Variants in LTBP1 observed in about 807,000 individuals in gnomAD.
LTBP1 encodes the protein latent-transforming growth factor beta-binding protein 1.
Under a neutral mutation model 207.6 loss-of-function variants are expected in LTBP1, and 129 were observed. That is an observed-to-expected ratio of 0.62 (90% confidence interval 0.54 to 0.72). The LOEUF is 0.72. Among genes scored for constraint, LTBP1 ranks in the 30% least tolerant of loss-of-function variants. The pLI is 0.00. For missense variants in LTBP1, 2,281 were observed against 2,217.2 expected, an observed-to-expected ratio of 1.03 and a Z score of -0.58; for synonymous variants, 963 against 833.7, an observed-to-expected ratio of 1.16 and a Z score of -2.67.
intron 31 of LTBP1, among the ~76,000 whole-genome samples, chr2:33,382,765 T>C (rs2095230593): frequency 6.6e-6 from 1 of 152,246 alleles, no homozygotes; most frequent in South Asian, 2.1e-4. Flanking sequence ...AAACAAGGAC[T>C]AGAACCCAAG....
intron 5 of LTBP1, among the ~76,000 whole-genome samples, chr2:33,182,754 A>G (rs2086804710): frequency 1.4e-5 from 2 of 143,972 alleles, no homozygotes. Flanking sequence ...ATATGTATGT[A>G]TGTGTACACA....
chr2:32,980,721 T>G (rs560351862), intron 2 of LTBP1, among the ~76,000 whole-genome samples: 6 of 152,210 alleles, frequency 3.9e-5, no homozygotes, highest in Non-Finnish European at 8.8e-5. Context: ...GTCCTTTTCT[T>G]TCAGATTGAA....
chr2:33,298,522 T>A (rs138701045), intron 20 of LTBP1, among the ~76,000 whole-genome samples: 2 of 152,354 alleles, frequency 1.3e-5, no homozygotes, highest in East Asian at 1.9e-4. Flanking sequence ...CTACAAGAAC[T>A]ATTGTTGGTC....
intron 3 of LTBP1, among the ~76,000 whole-genome samples, chr2:33,022,265 C>CTTTTTTTTTTTT (rs3047211): frequency 9.6e-5 from 12 of 125,216 alleles, no homozygotes; most frequent in East Asian, 4.8e-4. Flanking sequence ...CCTCAATCCT[C>CTTTTTTTTTTTT]TTTTTTTTTT....
chr2:33,209,079 G>C (rs796258845), intron 7 of LTBP1, among the ~76,000 whole-genome samples: 3 of 151,830 alleles, frequency 2.0e-5, no homozygotes, highest in African/African-American at 7.3e-5. Context: ...CACCATGTTG[G>C]CCAGGCTGGT....
chr2:33,163,142 T>A (rs1046462837), intron 5 of LTBP1, among the ~76,000 whole-genome samples: 4 of 152,134 alleles, frequency 2.6e-5, no homozygotes, highest in African/African-American at 9.7e-5. Context: ...CCACCACGCC[T>A]GGCTAATTGT....
chr2:33,198,870 T>C (rs932719706), intron 7 of LTBP1, among the ~76,000 whole-genome samples: 2 of 152,242 alleles, frequency 1.3e-5, no homozygotes, highest in African/African-American at 2.4e-5. Context: ...CATTAATTTT[T>C]TGAAGGGTTT....
At chr2:32,986,654 C>G (rs1416553253) in intron 2 of LTBP1, among the ~76,000 whole-genome samples, 2 of 152,126 alleles carry the variant, frequency 1.3e-5, no homozygotes, top group East Asian at 1.9e-4. Context: ...AGCACAGCAC[C>G]TGTGGGACTG....
intron 4 of LTBP1, among the ~76,000 whole-genome samples, chr2:33,129,991 T>C (rs921481343): frequency 6.6e-6 from 1 of 152,202 alleles, no homozygotes; most frequent in African/African-American, 2.4e-5. Context: ...TTTATTTACA[T>C]AGCACCTTTC....
chr2:33,192,217 A>G (rs2087975837), intron 7 of LTBP1, among the ~76,000 whole-genome samples: 1 of 152,210 alleles, frequency 6.6e-6, no homozygotes, highest in Non-Finnish European at 1.5e-5. Context: ...GGCATAGTGC[A>G]GTATAAATGA....
At chr2:33,364,851 G>T (rs1369292100) in intron 30 of LTBP1, among the ~76,000 whole-genome samples, 1 of 152,234 alleles carries the variant, frequency 6.6e-6, no homozygotes, top group Non-Finnish European at 1.5e-5. Flanking sequence ...ATTCGCCTCA[G>T]GAGACTGCTT....
At chr2:33,330,464 T>C (rs1384996328) in intron 24 of LTBP1, among the ~76,000 whole-genome samples, 1 of 151,900 alleles carries the variant, frequency 6.6e-6, no homozygotes, top group Non-Finnish European at 1.5e-5. Flanking sequence ...AGACATTTAA[T>C]ATGATGCTTG....
At chr2:33,107,615 T>A (rs1399579723) in intron 3 of LTBP1, among the ~76,000 whole-genome samples, 1 of 152,202 alleles carries the variant, frequency 6.6e-6, no homozygotes, top group Non-Finnish European at 1.5e-5. Context: ...ATTGGGATAG[T>A]AGCTCTTCAT....
chr2:33,111,644 C>T (rs867324406), intron 4 of LTBP1, among the ~76,000 whole-genome samples: 2 of 152,188 alleles, frequency 1.3e-5, no homozygotes, highest in Non-Finnish European at 2.9e-5. Flanking sequence ...TCCACCTCCC[C>T]GTTTCTGTAC....
intron 24 of LTBP1, among the ~76,000 whole-genome samples, chr2:33,334,859 A>G (rs1173069731): frequency 6.6e-6 from 1 of 151,018 alleles, no homozygotes; most frequent in Non-Finnish European, 1.5e-5. Flanking sequence ...ACTTGAGCCG[A>G]GGAGTTTGAG....
intron 31 of LTBP1, among the ~76,000 whole-genome samples, chr2:33,384,496 A>G (rs990802708): frequency 3.9e-5 from 6 of 152,168 alleles, no homozygotes; most frequent in Non-Finnish European, 8.8e-5. Flanking sequence ...GGGGTCTCAA[A>G]TGGGATTGCC....
chr2:33,283,734 T>C (rs1476386776), intron 19 of LTBP1, among the ~76,000 whole-genome samples: 2 of 152,060 alleles, frequency 1.3e-5, no homozygotes, highest in Non-Finnish European at 2.9e-5. Flanking sequence ...CCGTGCCCGG[T>C]CATTAAAAAG....
intron 3 of LTBP1, among the ~76,000 whole-genome samples, chr2:33,069,509 C>T (rs1202355498): frequency 6.6e-6 from 1 of 152,190 alleles, no homozygotes; most frequent in African/African-American, 2.4e-5. Flanking sequence ...TTTGCTAAGG[C>T]ATCTCTGGGG....
Position 33,275,929 on chromosome 2 carries a change from T to C in LTBP1, c.2992+6T>C, listed in dbSNP as rs1468525572. The stretch of plus-strand genomic sequence containing the variant: ...TCAGAGAGGCCGTTGTGAGGGTGAG[T>C]CAGCTGAGAGTGTTCAGCACACATG... On this transcript the variant is annotated splice_donor_region_variant and intron_variant, in intron 18 of 33. Transcript: ENST00000404816. The C allele has an allele frequency of 5.1e-6, 8 of 1,578,712 alleles. No homozygotes were observed. The highest frequency in any genetic ancestry group is 6.9e-6 in the Non-Finnish European group (8 of 1,163,036).
Sources: allele counts gnomAD v4.1 joint callset (sites outside exome capture counted in the v4.1 genomes callset), GRCh38; gene constraint gnomAD v4.1.1; transcripts MANE v1.5; gene names NCBI Gene and HGNC (gene_info 2026-07-23, HGNC 2026-07-21).